KLHL32: variants seen among roughly 807,000 people sequenced by gnomAD.
KLHL32 encodes kelch like family member 32.
In KLHL32, 35 loss-of-function variants were observed where a neutral mutation model predicts 64.8. That is an observed-to-expected ratio of 0.54 (90% CI 0.41 to 0.72). The LOEUF is 0.72. KLHL32 is among the 30% of genes least tolerant of loss of function. KLHL32 has a pLI of 0.00. For synonymous variants in KLHL32, 259 were observed against 281.0 expected (o/e 0.92, Z 0.78); for missense variants, 589 against 768.5 (o/e 0.77, Z 2.76).
intron 3 of KLHL32, among the ~76,000 whole-genome samples, chr6:96,998,541 T>C (rs1044540969): frequency 6.6e-6 from 1 of 152,206 alleles, no homozygotes; most frequent in Non-Finnish European, 1.5e-5. Flanking sequence ...TTTACTACTG[T>C]CCTAAATAGC....
chr6:97,067,704 A>G (rs79264342), intron 5 of KLHL32, among the ~76,000 whole-genome samples: 5,203 of 152,260 alleles, frequency 0.034, 277 homozygotes, highest in African/African-American at 0.12. Context: ...ACTTAAATTC[A>G]GAACTAGGAT....
the KLHL32 span, among the ~76,000 whole-genome samples, chr6:96,915,915 G>T: frequency 1.3e-5 from 2 of 151,920 alleles, no homozygotes; most frequent in Admixed American, 6.5e-5. Flanking sequence ...TTATAAAGGT[G>T]CTCCCCTTTC....
chr6:97,000,605 A>C (rs1227704039), intron 3 of KLHL32, among the ~76,000 whole-genome samples: 1 of 152,226 alleles, frequency 6.6e-6, no homozygotes, highest in East Asian at 1.9e-4. Flanking sequence ...ATATGATTAT[A>C]ATTTCTATTG....
chr6:96,993,499 C>A (rs187961430), intron 3 of KLHL32, among the ~76,000 whole-genome samples: 1 of 152,164 alleles, frequency 6.6e-6, no homozygotes, highest in Non-Finnish European at 1.5e-5. Context: ...TTGCTAATGT[C>A]CCCCCTGCTG....
chr6:96,902,669 A>G, the KLHL32 span, among the ~76,000 whole-genome samples: 8 of 152,126 alleles, frequency 5.3e-5, no homozygotes, highest in South Asian at 1.7e-3. Context: ...TACCATGCCT[A>G]TGTCCTGAAT....
intron 1 of KLHL32, among the ~76,000 whole-genome samples, chr6:96,938,363 C>T (rs969405893): frequency 1.3e-5 from 2 of 152,174 alleles, no homozygotes; most frequent in African/African-American, 4.8e-5. Flanking sequence ...CCAGAGGGTC[C>T]TGGGGTCCCT....
At chr6:97,108,906 A>G (rs1796759577) in intron 6 of KLHL32, among the ~76,000 whole-genome samples, 1 of 152,238 alleles carries the variant, frequency 6.6e-6, no homozygotes, top group Admixed American at 6.5e-5. Context: ...TAAAAAACAG[A>G]GTGAATTTCC....
At position 97,085,158 on chromosome 6, in the gene KLHL32, C is replaced by T. The variant is rs1332414968; in HGVS notation, c.444C>T (p.Tyr148=). The T allele has an allele frequency of 6.2e-7, 1 of 1,613,756 alleles. No individual in the cohort carries two copies. Among genetic ancestry groups the T allele is most frequent in the East Asian group, 2.2e-5 (1 of 44,864 alleles). The part of the protein sequence containing the change: ...ELNSFNYLDL[Y]RLADLFNLTL... Reference sequence around the variant, plus strand: ...ATAGCTTTAATTACTTGGATCTGTACAGACTTGCTGACCTCTTTAACCTCA... The same window carrying T: ...ATAGCTTTAATTACTTGGATCTGTATAGACTTGCTGACCTCTTTAACCTCA... Residue 148 remains tyrosine (Y), a synonymous_variant, in exon 6 of 11, where the codon TAC becomes TAT. Coordinates refer to ENST00000369261, the MANE Select transcript of KLHL32 (RefSeq NM_052904.4).
At chr6:96,973,164 TC>T (rs1393636480) in intron 2 of KLHL32, among the ~76,000 whole-genome samples, 14 of 152,360 alleles carry the variant, frequency 9.2e-5, no homozygotes, top group African/African-American at 3.4e-4. Flanking sequence ...GCTTGAATTT[TC>T]AAGCCCAGCT....
At chr6:97,040,308 G>A (rs1333341989) in intron 3 of KLHL32, among the ~76,000 whole-genome samples, 3 of 151,270 alleles carry the variant, frequency 2.0e-5, no homozygotes, top group Admixed American at 6.6e-5. Context: ...GCATGGGGTT[G>A]TATTTTTTTT....
intron 3 of KLHL32, among the ~76,000 whole-genome samples, chr6:97,001,584 C>T (rs1401354093): frequency 6.6e-6 from 1 of 152,178 alleles, no homozygotes; most frequent in Non-Finnish European, 1.5e-5. Flanking sequence ...CCTCACACCT[C>T]AGCCTCACGA....
intron 6 of KLHL32, among the ~76,000 whole-genome samples, chr6:97,111,613 C>A (rs964254461): frequency 2.0e-5 from 3 of 152,176 alleles, no homozygotes; most frequent in African/African-American, 4.8e-5. Context: ...CCCAAAGCTC[C>A]AGAAGGAGTG....
chr6:96,950,612 GTGAGTGAA>G (rs75753207), intron 1 of KLHL32, among the ~76,000 whole-genome samples: 14,893 of 151,960 alleles, frequency 0.098, 763 homozygotes, highest in Middle Eastern at 0.15. Flanking sequence ...AGTTGAGTGA[GTGAGTGAA>G]TGAGTGAATG....
intron 8 of KLHL32, 120 bp from the exon 9 acceptor site, chr6:97,130,637 C>A: frequency 1.5e-6 from 1 of 685,144 alleles, no homozygotes; most frequent in South Asian, 2.5e-5. Flanking sequence ...AACATTCAAA[C>A]AGAATGTTGA....
chr6:97,064,933 C>T (rs867201736), intron 5 of KLHL32, among the ~76,000 whole-genome samples: 15 of 152,152 alleles, frequency 9.9e-5, no homozygotes, highest in Admixed American at 5.2e-4. Flanking sequence ...AGGAGTCTTC[C>T]TCCACTGTCC....
chr6:97,082,613 C>A (rs1203171233), intron 5 of KLHL32, among the ~76,000 whole-genome samples: 16 of 143,848 alleles, frequency 1.1e-4, no homozygotes, highest in South Asian at 2.2e-4. Context: ...GATTCCATCT[C>A]AAAAAAAAAA....
At chr6:96,919,580 T>G in the KLHL32 span, among the ~76,000 whole-genome samples, 11 of 152,320 alleles carry the variant, frequency 7.2e-5, no homozygotes, top group East Asian at 1.9e-3. Flanking sequence ...CCACAATATT[T>G]AAGCAATTTT....
intron 6 of KLHL32, chr6:97,105,579 G>A (rs533195066): frequency 3.0e-5 from 14 of 464,342 alleles, no homozygotes; most frequent in Middle Eastern, 6.6e-4. Context: ...GAAGGGCTCC[G>A]TGTGCACCTT....
chr6:96,958,671 A>C (rs920343080), intron 1 of KLHL32, among the ~76,000 whole-genome samples: 1 of 150,886 alleles, frequency 6.6e-6, no homozygotes, highest in Non-Finnish European at 1.5e-5. Flanking sequence ...TTTGATCATC[A>C]TGTATCCAGT....
Sources: allele counts gnomAD v4.1 joint callset (sites outside exome capture counted in the v4.1 genomes callset), GRCh38; gene constraint gnomAD v4.1.1; transcripts MANE v1.5; gene names NCBI Gene and HGNC (gene_info 2026-07-23, HGNC 2026-07-21).